KDM2A: variants seen among roughly 807,000 people sequenced by gnomAD.
KDM2A encodes lysine demethylase 2A.
A neutral mutation model predicts 137.3 loss-of-function variants in KDM2A; 3 were observed. The ratio of observed to expected loss-of-function variants is 0.02; its 90% CI spans 0.01 to 0.06. The LOEUF (loss-of-function observed/expected upper bound fraction) is 0.06. Ranked by LOEUF, KDM2A falls within the 10% of genes least tolerant of loss-of-function variation. The pLI is 1.00. For synonymous variants in KDM2A, 512 were observed against 541.5 expected, an observed-to-expected ratio of 0.95 and a Z score of 0.76; for missense variants, 738 against 1,510.6, an observed-to-expected ratio of 0.49 and a Z score of 8.48.
chr11:67,198,642 G>A (rs566655713), intron 5 of KDM2A, among the ~76,000 whole-genome samples: 188 of 151,310 alleles, frequency 1.2e-3, no homozygotes, highest in Non-Finnish European at 2.4e-3. Context: ...CCCGGAAGGC[G>A]GAGGTTGCAG....
At chr11:67,251,579 C>T (rs1007284113) in intron 17 of KDM2A, among the ~76,000 whole-genome samples, 1 of 152,222 alleles carries the variant, frequency 6.6e-6, no homozygotes, top group Non-Finnish European at 1.5e-5. Context: ...GGCATTCACT[C>T]AGGAACTTTT....
At chr11:67,196,569 A>G (rs1322337892) in intron 5 of KDM2A, 2 of 423,932 alleles carry the variant, frequency 4.7e-6, no homozygotes, top group East Asian at 7.1e-5. Flanking sequence ...ATTCTGATAT[A>G]TACTACACAT....
intron 2 of KDM2A, among the ~76,000 whole-genome samples, chr11:67,173,405 A>C (rs962546852): frequency 6.6e-6 from 1 of 152,118 alleles, no homozygotes; most frequent in Admixed American, 6.5e-5. Flanking sequence ...TACATGCGTG[A>C]GCCACCGTTC....
At chr11:67,196,728 G>T (rs960842914) in intron 5 of KDM2A, 3 of 292,518 alleles carry the variant, frequency 1.0e-5, no homozygotes, top group African/African-American at 4.5e-5. Context: ...GGGCAATGGG[G>T]ACTTAAAACG....
At position 67,253,473 on chromosome 11, in the gene KDM2A, G is replaced by A. The variant is rs1859502205; in HGVS notation, c.2953G>A (p.Ala985Thr). 1 of 1,613,672 alleles carries A rather than the reference G, an allele frequency of 6.2e-7. No individual in the cohort carries two copies. Among genetic ancestry groups the A allele is most frequent in the Non-Finnish European group, 8.5e-7 (1 of 1,179,712 alleles). ...RLPGLKDLLL[A>T]GCSWSAVSAL... is the part of the protein sequence containing the mutation. Reference sequence around the variant, plus strand: ...TGCAGGACTGAAAGACCTCCTCCTAGCAGGCTGCTCCTGGTCTGCAGTCTC... The same window carrying A: ...TGCAGGACTGAAAGACCTCCTCCTAACAGGCTGCTCCTGGTCTGCAGTCTC... The change falls in exon 19 of 21, where the codon GCA becomes ACA. Residue 985 changes from alanine to threonine, a missense_variant. By Grantham distance (58) the Ala-to-Thr change is moderately conservative. This residue lies in a region of KDM2A where 166 missense variants were observed against 324.0 expected (regional missense o/e 0.51). Transcript: ENST00000529006.
chr11:67,223,363 T>C (rs1040299574), intron 10 of KDM2A, among the ~76,000 whole-genome samples: 2 of 151,006 alleles, frequency 1.3e-5, no homozygotes, highest in African/African-American at 4.9e-5. Context: ...ATGCCTGTAT[T>C]TCATATTTTC....
Position 67,255,069 on chromosome 11 carries a change from C to G in KDM2A, c.*14C>G, listed in dbSNP as rs1859557450. ...AAGATCAGCTAAGACACACCCAGCCCAGATTCAACAGGAAACCGATCTTCC... is the reference window on the plus strand; with the variant it reads ...AAGATCAGCTAAGACACACCCAGCCGAGATTCAACAGGAAACCGATCTTCC... On this transcript the variant is annotated 3_prime_UTR_variant, in exon 21 of 21. Coordinates refer to ENST00000529006, the MANE Select transcript of KDM2A (RefSeq NM_012308.3). 6.2e-7 allele frequency: 1 copy of G among 1,600,720 alleles called. No homozygotes were observed. The highest frequency in any genetic ancestry group is 1.3e-5 in the African/African-American group (1 of 74,516).
rs1360383768 is a variant in KDM2A at position 67,157,325 on chromosome 11, AAAAAAAC to A, written c.43-22745_43-22739del. 6.6e-5 allele frequency among the ~76,000 whole-genome samples: 10 copies of A among 151,686 alleles called. No individual in the cohort carries two copies. The South Asian group carries it at 1.0e-3, about 16-fold the overall frequency. The stretch of plus-strand genomic sequence containing the variant: ...GAGCAAGACTCCCGTCTCAAAAAAA[AAAAAAAC>A]AAAAAACACCACACAGTTGGCAAAT... On this transcript the variant is annotated intron_variant, in intron 2 of 20. Transcript: ENST00000529006.
At chr11:67,148,382 C>T (rs1261340231) in intron 2 of KDM2A, among the ~76,000 whole-genome samples, 2 of 152,036 alleles carry the variant, frequency 1.3e-5, no homozygotes, top group Non-Finnish European at 2.9e-5. Context: ...GATTGCACCA[C>T]TGCATTCCAG....
At chr11:67,146,167 C>G (rs12279118) in intron 2 of KDM2A, among the ~76,000 whole-genome samples, 6 of 151,198 alleles carry the variant, frequency 4.0e-5, no homozygotes, top group African/African-American at 1.2e-4. Flanking sequence ...AATTTTTTTT[C>G]TATTTTTAGT....
intron 2 of KDM2A, among the ~76,000 whole-genome samples, chr11:67,176,112 G>A (rs1402778970): frequency 6.6e-6 from 1 of 152,160 alleles, no homozygotes; most frequent in Non-Finnish European, 1.5e-5. Flanking sequence ...TGGCAGCCAA[G>A]TTACTAGGTA....
chr11:67,210,035 G>T (rs1354915973), intron 6 of KDM2A, among the ~76,000 whole-genome samples: 1 of 151,818 alleles, frequency 6.6e-6, no homozygotes, highest in African/African-American at 2.4e-5. Flanking sequence ...AGCCAACATT[G>T]CAAGAATCTG....
intron 2 of KDM2A, among the ~76,000 whole-genome samples, chr11:67,161,084 A>G (rs1856626243): frequency 6.6e-6 from 1 of 152,130 alleles, no homozygotes; most frequent in Admixed American, 6.6e-5. Flanking sequence ...ACTAGTGGCC[A>G]GGCACAGTAA....
intron 2 of KDM2A, among the ~76,000 whole-genome samples, chr11:67,125,410 G>A (rs1855697193): frequency 6.6e-6 from 1 of 151,506 alleles, no homozygotes; most frequent in African/African-American, 2.4e-5. Context: ...TGAACTCCTG[G>A]GCTCAAACGA....
At position 67,231,795 on chromosome 11, in the gene KDM2A, G is replaced by A. The variant is rs746941241; in HGVS notation, c.1314G>A (p.Val438=). 1.2e-6 allele frequency: 2 copies of A among 1,614,074 alleles called. No homozygotes were observed. Among genetic ancestry groups the A allele is most frequent in the Non-Finnish European group, 1.7e-6 (2 of 1,179,912 alleles). Residue 438 remains valine (V), a synonymous_variant, in exon 12 of 21, where the codon GTG becomes GTA. Coordinates refer to ENST00000529006, the MANE Select transcript of KDM2A (RefSeq NM_012308.3). ...GCCGGGGCTCCCACAATGGACAAGTGTGGGATCCCCAGTGTGCTCCCCGAA... is the reference window on the plus strand; with the variant it reads ...GCCGGGGCTCCCACAATGGACAAGTATGGGATCCCCAGTGTGCTCCCCGAA... ...DCSRGSHNGQ[V]WDPQCAPRKD...
Position 67,245,626 on chromosome 11 carries a change from TCTAGTACTAAAAATCCGA to T in KDM2A, c.1833+169_1833+186del. On this transcript the variant is annotated intron_variant, in intron 14 of 20. Coordinates refer to ENST00000529006, the MANE Select transcript of KDM2A (RefSeq NM_012308.3). This position sits in a 1 kb window ranked among gnomAD's most constrained non-coding sequence, Gnocchi z 4.1. ...TTTCCCCAGGTTTAGATAGAAGGTA[TCTAGTACTAAAAATCCGA>T]TTTAATCTTTAGGCTTTACCTAATT... 1 of 720,832 alleles carries T rather than the reference TCTAGTACTAAAAATCCGA, an allele frequency of 1.4e-6. No individual in the cohort carries two copies. Among genetic ancestry groups the T allele is most frequent in the Middle Eastern group, 4.0e-4 (1 of 2,514 alleles). 44.7% of individuals were successfully genotyped at this position (720,832 alleles called of 1,614,324 possible). A position where few individuals can be genotyped will look rare whatever the true frequency, so the allele number is the denominator to read the frequency against.
intron 18 of KDM2A, 69 bp from the exon 19 acceptor site, chr11:67,253,379 TTGCTC>T: frequency 7.4e-7 from 1 of 1,359,480 alleles, no homozygotes; most frequent in South Asian, 1.2e-5. Context: ...TTTGTTCACT[TTGCTC>T]AGATCGTTAC....
chr11:67,173,797 C>G (rs1375645118), intron 2 of KDM2A, among the ~76,000 whole-genome samples: 1 of 152,182 alleles, frequency 6.6e-6, no homozygotes, highest in Non-Finnish European at 1.5e-5. Flanking sequence ...ATGGCAGCCT[C>G]AAGCTCCTGA....
At chr11:67,190,354 G>A (rs1387670284) in intron 5 of KDM2A, among the ~76,000 whole-genome samples, 3 of 152,074 alleles carry the variant, frequency 2.0e-5, no homozygotes, top group Non-Finnish European at 2.9e-5. Flanking sequence ...AGGTTGCAGC[G>A]AGCCAAGATT....
Sources: allele counts gnomAD v4.1 joint callset (sites outside exome capture counted in the v4.1 genomes callset), GRCh38; gene constraint gnomAD v4.1.1; regional missense constraint gnomAD v4.1.1; non-coding constraint Gnocchi (gnomAD v3.1); transcripts MANE v1.5; gene names NCBI Gene and HGNC (gene_info 2026-07-23, HGNC 2026-07-21).